Variants in BMAL2 observed in about 807,000 individuals in gnomAD.
The protein encoded by BMAL2 is basic helix-loop-helix ARNT like 2.
the BMAL2 span, among the ~76,000 whole-genome samples, chr12:27,391,057 T>C: frequency 6.6e-6 from 1 of 152,194 alleles, no homozygotes; most frequent in South Asian, 2.1e-4. Flanking sequence ...ATGAAAACAC[T>C]ATTCTTTTTT....
chr12:27,420,019 G>GCGCGCGCGCGCACACACACACACA, the BMAL2 span, among the ~76,000 whole-genome samples: 3 of 147,570 alleles, frequency 2.0e-5, no homozygotes, highest in African/African-American at 5.0e-5. Flanking sequence ...GTTTGCGCGT[G>GCGCGCGCGCGCACACACACACACA]CACACACACA....
At chr12:27,421,303 T>G in the BMAL2 span, 2 of 152,176 alleles carry the variant, frequency 1.3e-5, no homozygotes, top group Non-Finnish European at 2.9e-5. Context: ...CCCAGTACTT[T>G]GGGAGGCTGA....
At chr12:27,376,979 C>A in the BMAL2 span, among the ~76,000 whole-genome samples, 2 of 118,884 alleles carry the variant, frequency 1.7e-5, no homozygotes, top group African/African-American at 6.9e-5. Context: ...CCAGCCTGGG[C>A]GACAGAGCAA....
At chr12:27,364,745 T>G in the BMAL2 span, among the ~76,000 whole-genome samples, 1 of 152,296 alleles carries the variant, frequency 6.6e-6, no homozygotes, top group East Asian at 1.9e-4. Context: ...ATTTACATCT[T>G]TAGTATATTG....
the BMAL2 span, among the ~76,000 whole-genome samples, chr12:27,364,927 C>T: frequency 6.6e-6 from 1 of 151,742 alleles, no homozygotes; most frequent in Non-Finnish European, 1.5e-5. Context: ...ATATCATTGT[C>T]TTACTATTTG....
At chr12:27,363,252 A>T in the BMAL2 span, among the ~76,000 whole-genome samples, 1 of 152,112 alleles carries the variant, frequency 6.6e-6, no homozygotes, top group Non-Finnish European at 1.5e-5. Context: ...TCAGGTTTTC[A>T]TTGTTGTTGT....
chr12:27,410,634 T>C, the BMAL2 span, among the ~76,000 whole-genome samples: 443 of 152,166 alleles, frequency 2.9e-3, no homozygotes, highest in African/African-American at 9.9e-3. Context: ...TTAGGAGATA[T>C]ACCTAATGTT....
At chr12:27,370,341 GC>G in the BMAL2 span, 1 of 753,918 alleles carries the variant, frequency 1.3e-6, no homozygotes. Context: ...CTATCCCAGA[GC>G]TTCTCCTTCC....
At chr12:27,406,649 T>A in the BMAL2 span, among the ~76,000 whole-genome samples, 1 of 152,174 alleles carries the variant, frequency 6.6e-6, no homozygotes, top group African/African-American at 2.4e-5. Context: ...CATGCCAAAT[T>A]GTAAACCATT....
chr12:27,413,252 G>A, the BMAL2 span, among the ~76,000 whole-genome samples: 4 of 152,106 alleles, frequency 2.6e-5, no homozygotes, highest in Non-Finnish European at 4.4e-5. Context: ...TGTAATGGTA[G>A]TACATAAATC....
the BMAL2 span, chr12:27,370,236 T>A: frequency 2.5e-6 from 4 of 1,601,760 alleles, no homozygotes; most frequent in Non-Finnish European, 3.4e-6. Context: ...AGCAGGTAAG[T>A]CCTGGACTGT....
chr12:27,412,041 A>T, the BMAL2 span, among the ~76,000 whole-genome samples: 1 of 152,184 alleles, frequency 6.6e-6, no homozygotes, highest in Non-Finnish European at 1.5e-5. Context: ...GGGGTAAGGT[A>T]AGAGTCCAGC....
At chr12:27,358,446 A>T in the BMAL2 span, among the ~76,000 whole-genome samples, 1 of 152,192 alleles carries the variant, frequency 6.6e-6, no homozygotes, top group Non-Finnish European at 1.5e-5. Context: ...TGCTGGTGGG[A>T]ATGTAAACTA....
chr12:27,345,510 G>A, the BMAL2 span, among the ~76,000 whole-genome samples: 1 of 151,826 alleles, frequency 6.6e-6, no homozygotes, highest in Admixed American at 6.6e-5. Context: ...TTATTTTATT[G>A]AGACAGGGTT....
At chr12:27,345,829 C>T in the BMAL2 span, among the ~76,000 whole-genome samples, 1 of 152,110 alleles carries the variant, frequency 6.6e-6, no homozygotes, top group African/African-American at 2.4e-5. Context: ...TCTTTTTCCC[C>T]TCTATTAATC....
At chr12:27,363,242 T>A in the BMAL2 span, among the ~76,000 whole-genome samples, 1 of 152,246 alleles carries the variant, frequency 6.6e-6, no homozygotes, top group Non-Finnish European at 1.5e-5. Flanking sequence ...TCCAGTTTTC[T>A]CAGGTTTTCA....
the BMAL2 span, among the ~76,000 whole-genome samples, chr12:27,420,019 G>GCGCACGCGCGCACA: frequency 6.8e-6 from 1 of 147,478 alleles, no homozygotes; most frequent in Admixed American, 6.8e-5. Context: ...GTTTGCGCGT[G>GCGCACGCGCGCACA]CACACACACA....
chr12:27,370,798 G>C, the BMAL2 span, among the ~76,000 whole-genome samples: 1 of 152,076 alleles, frequency 6.6e-6, no homozygotes, highest in Non-Finnish European at 1.5e-5. Context: ...TAGAGATGAG[G>C]TTTCACCATG....
At chr12:27,387,057 T>C in the BMAL2 span, among the ~76,000 whole-genome samples, 3 of 152,208 alleles carry the variant, frequency 2.0e-5, no homozygotes, top group African/African-American at 7.2e-5. Flanking sequence ...TCTTTATAAA[T>C]CTGTTTGCAT....
Sources: allele counts gnomAD v4.1 joint callset (sites outside exome capture counted in the v4.1 genomes callset), GRCh38; gene constraint gnomAD v4.1.1; transcripts MANE v1.5; gene names NCBI Gene and HGNC (gene_info 2026-07-23, HGNC 2026-07-21).